Variants in FNBP1L observed in about 807,000 individuals in gnomAD.
FNBP1L encodes formin-binding protein 1-like.
A neutral mutation model predicts 91.2 loss-of-function variants in FNBP1L; 36 were observed. That is an observed-to-expected ratio of 0.39 (90% confidence interval 0.30 to 0.52). The LOEUF is 0.52. FNBP1L is among the 20% of genes least tolerant of loss of function. FNBP1L has a pLI of 0.66. For missense variants in FNBP1L, 571 were observed against 732.1 expected (o/e 0.78, Z 2.54); for synonymous variants, 242 against 237.0 (o/e 1.02, Z -0.19).
At chr1:93,501,527 G>C (rs1670438897) in intron 2 of FNBP1L, among the ~76,000 whole-genome samples, 1 of 152,106 alleles carries the variant, frequency 6.6e-6, no homozygotes, top group African/African-American at 2.4e-5. Context: ...GAGTGAGAAC[G>C]CAACTCACTA....
chr1:93,546,967 A>G lies in FNBP1L; in HGVS notation c.1400A>G (p.Lys467Arg), dbSNP rs956356456. 3 of 1,611,206 alleles carry G rather than the reference A, an allele frequency of 1.9e-6. No individual in the cohort carries two copies. Residue 467 changes from lysine to arginine, a missense_variant, in exon 13 of 17, where the codon AAG becomes AGG. Around this residue, in one of 5 missense-constraint regions of FNBP1L, gnomAD observed 189 missense variants for 219.7 expected, o/e 0.86. Transcript: ENST00000271234. Reference sequence around the variant, plus strand: ...GACCGCCTACGAATGGAAATCCATAAGAATGAGGTAGATTTGTTATTCAGC... The same window carrying G: ...GACCGCCTACGAATGGAAATCCATAGGAATGAGGTAGATTTGTTATTCAGC... ...NIDRLRMEIHKNEAWLSEVEG... is the reference protein window; with the variant it reads ...NIDRLRMEIHRNEAWLSEVEG...
intron 2 of FNBP1L, among the ~76,000 whole-genome samples, chr1:93,510,050 T>G (rs1464297182): frequency 6.6e-6 from 1 of 152,196 alleles, no homozygotes; most frequent in Non-Finnish European, 1.5e-5. Context: ...CGCCCGCCAT[T>G]GCCCAGGCTT....
At chr1:93,471,238 AGC>A (rs1669274949) in intron 1 of FNBP1L, among the ~76,000 whole-genome samples, 1 of 152,152 alleles carries the variant, frequency 6.6e-6, no homozygotes, top group African/African-American at 2.4e-5. Flanking sequence ...ATTTCCTTTG[AGC>A]ATCATGCTGT....
Position 93,534,907 on chromosome 1 carries a change from A to G in FNBP1L, c.989A>G (p.Lys330Arg), listed in dbSNP as rs968174504. ...GKLWLFGKKP[K>R]PQSPPLTPTS... ...TTGTGGCTCTTTGGAAAGAAGCCAA[A>G]GGTAAAAGTCATAAAATTCCTATAT... Residue 330 changes from lysine to arginine, a missense_variant and splice_region_variant, in exon 9 of 17, where the codon AAG becomes AGG. Transcript: ENST00000271234. 1.3e-6 allele frequency: 2 copies of G among 1,561,620 alleles called. No individual in the cohort carries two copies. The highest frequency in any genetic ancestry group is 1.4e-5 in the African/African-American group (1 of 73,584).
chr1:93,508,050 T>C (rs1333307410), intron 2 of FNBP1L, among the ~76,000 whole-genome samples: 1 of 151,868 alleles, frequency 6.6e-6, no homozygotes, highest in Non-Finnish European at 1.5e-5. Flanking sequence ...TGAGTACTAT[T>C]AATAATTTGG....
chr1:93,502,611 T>C (rs1441862974), intron 2 of FNBP1L, among the ~76,000 whole-genome samples: 1 of 152,206 alleles, frequency 6.6e-6, no homozygotes, highest in African/African-American at 2.4e-5. Context: ...CTCCAGTTCA[T>C]TGAAACAAGG....
At chr1:93,450,643 C>G (rs923888777) in intron 1 of FNBP1L, among the ~76,000 whole-genome samples, 1 of 152,168 alleles carries the variant, frequency 6.6e-6, no homozygotes, top group African/African-American at 2.4e-5. Flanking sequence ...GTGCTCTTGC[C>G]ATTGAGGAAT....
chr1:93,482,777 T>C (rs1669754714), intron 1 of FNBP1L, among the ~76,000 whole-genome samples: 1 of 152,038 alleles, frequency 6.6e-6, no homozygotes, highest in Non-Finnish European at 1.5e-5. Flanking sequence ...CCCAGCACTT[T>C]GGGAGGCCGA....
chr1:93,460,000 G>A (rs1668810013), intron 1 of FNBP1L, among the ~76,000 whole-genome samples: 1 of 144,958 alleles, frequency 6.9e-6, no homozygotes, highest in Non-Finnish European at 1.5e-5. Context: ...TGAAATATTG[G>A]CATTATACTT....
At position 93,553,634 on chromosome 1, in the gene FNBP1L, C is replaced by A. The variant is rs1672489383; in HGVS notation, c.*1218C>A. On this transcript the variant is annotated 3_prime_UTR_variant, in exon 17 of 17. Coordinates refer to ENST00000271234, the MANE Select transcript of FNBP1L (RefSeq NM_001164473.3). ...TTTCCACGTGATGCTTTTGTTTGAA[C>A]CTGATAAAATTTAGTGAAACTTTGT... is the stretch of plus-strand genomic sequence containing the variant. 1 of 152,556 alleles carries A rather than the reference C, an allele frequency of 6.6e-6. No individual in the cohort carries two copies. Among genetic ancestry groups the A allele is most frequent in the African/African-American group, 2.4e-5 (1 of 41,412 alleles). 9.5% of individuals were successfully genotyped at this position (152,556 alleles called of 1,614,324 possible).
chr1:93,520,331 T>C (rs564343685), intron 2 of FNBP1L, among the ~76,000 whole-genome samples: 1 of 152,330 alleles, frequency 6.6e-6, no homozygotes, highest in South Asian at 2.1e-4. Flanking sequence ...TGAAAGATAG[T>C]ATGGCCACTT....
chr1:93,552,348 C>G (rs1325156948), intron 16 of FNBP1L, 61 bp from the exon 17 acceptor site: 18 of 1,586,260 alleles, frequency 1.1e-5, no homozygotes, highest in East Asian at 4.6e-5. Context: ...ACTGAACACC[C>G]CTTTTGGTTT....
chr1:93,538,678 T>A (rs1671926391), intron 10 of FNBP1L, among the ~76,000 whole-genome samples: 1 of 152,106 alleles, frequency 6.6e-6, no homozygotes, highest in Admixed American at 6.6e-5. Context: ...AAGGTAAGCT[T>A]TAGTAAGCCT....
At chr1:93,523,870 T>A (rs1671416328) in intron 4 of FNBP1L, among the ~76,000 whole-genome samples, 2 of 152,358 alleles carry the variant, frequency 1.3e-5, no homozygotes, top group South Asian at 4.1e-4. Context: ...CATTGACTTT[T>A]ATATTGCCTG....
chr1:93,490,591 TA>T (rs1278387363), intron 1 of FNBP1L, among the ~76,000 whole-genome samples: 1 of 152,108 alleles, frequency 6.6e-6, no homozygotes. Context: ...GAACTCTGAG[TA>T]AGTCCAACTA....
At chr1:93,461,070 CT>C (rs1264553927) in intron 1 of FNBP1L, among the ~76,000 whole-genome samples, 2 of 151,946 alleles carry the variant, frequency 1.3e-5, no homozygotes, top group African/African-American at 4.8e-5. Context: ...AGAGGCTTTC[CT>C]CAAGTATTTT....
intron 2 of FNBP1L, among the ~76,000 whole-genome samples, chr1:93,516,968 T>C (rs60032869): frequency 0.028 from 4,281 of 152,172 alleles, 204 homozygotes; most frequent in African/African-American, 0.097. Context: ...GATAATAGAC[T>C]GTTTCTGTCT....
intron 5 of FNBP1L, among the ~76,000 whole-genome samples, chr1:93,525,878 G>T (rs2101753282): frequency 6.6e-6 from 1 of 152,290 alleles, no homozygotes; most frequent in South Asian, 2.1e-4. Flanking sequence ...TTGCAGTCTA[G>T]TGAGGGAAAC....
chr1:93,510,518 C>A (rs552152337), intron 2 of FNBP1L, among the ~76,000 whole-genome samples: 257 of 152,224 alleles, frequency 1.7e-3, no homozygotes, highest in African/African-American at 5.6e-3. Flanking sequence ...AAAAACAGAG[C>A]AGAAAAACTG....
Sources: allele counts gnomAD v4.1 joint callset (sites outside exome capture counted in the v4.1 genomes callset), GRCh38; gene constraint gnomAD v4.1.1; regional missense constraint gnomAD v4.1.1; transcripts MANE v1.5; gene names NCBI Gene and HGNC (gene_info 2026-07-23, HGNC 2026-07-21).